SEMA4F: variants seen among roughly 807,000 people sequenced by gnomAD.
SEMA4F encodes ssemaphorin 4F.
SEMA4F carries 51 observed loss-of-function variants against 78.4 expected under a neutral mutation model. The ratio of observed to expected loss-of-function variants is 0.65; its 90% confidence interval spans 0.52 to 0.82. The LOEUF (loss-of-function observed/expected upper bound fraction) is 0.82. Ranked by LOEUF, SEMA4F falls within the 40% of genes least tolerant of loss-of-function variation. The pLI is 0.00. For synonymous variants in SEMA4F, 418 were observed against 408.7 expected, an observed-to-expected ratio of 1.02 and a Z score of -0.27; for missense variants, 938 against 1,014.4, an observed-to-expected ratio of 0.92 and a Z score of 1.02.
chr2:74,679,116 T>C (rs1685438150), intron 12 of SEMA4F, among the ~76,000 whole-genome samples, 160 bp from the exon 13 acceptor site: 1 of 152,148 alleles, frequency 6.6e-6, no homozygotes, highest in Admixed American at 6.5e-5. Context: ...TTAAGAGGTA[T>C]TGGGGAAAAA....
chr2:74,669,213 T>G (rs904547991), intron 5 of SEMA4F, among the ~76,000 whole-genome samples: 1 of 150,350 alleles, frequency 6.7e-6, no homozygotes, highest in Non-Finnish European at 1.5e-5. Flanking sequence ...GAGGCTGAGG[T>G]GGGAGAATTG....
At chr2:74,673,399 C>T (rs968851610) in intron 5 of SEMA4F, 58 bp from the exon 6 acceptor site, 20 of 1,605,094 alleles carry the variant, frequency 1.2e-5, no homozygotes, top group Non-Finnish European at 1.6e-5. Context: ...TGCCTGTGAC[C>T]TCTGTTGCTT....
At chr2:74,670,074 G>A (rs1003916094) in intron 5 of SEMA4F, among the ~76,000 whole-genome samples, 7 of 152,050 alleles carry the variant, frequency 4.6e-5, no homozygotes, top group South Asian at 4.1e-4. Flanking sequence ...GGAATTACTC[G>A]CTTTTGCACA....
rs1300400575 is a variant in SEMA4F at position 74,680,018 on chromosome 2, G to A, written c.2122G>A (p.Gly708Arg). ...CCTGGACCTGGGGGCTCCACCTTCT[G>A]GGACCACAAGCTACAGCCAAGACCC... is the stretch of plus-strand genomic sequence containing the variant. ...VGLDLGAPPS[G>R]TTSYSQDPPS... The change falls in exon 14 of 14, where the codon GGG becomes AGG. Residue 708 changes from glycine (G) to arginine (R), a missense_variant. Physicochemically the swap from Gly to Arg is moderately radical, Grantham distance 125 (BLOSUM62 -2). Coordinates refer to ENST00000357877, the MANE Select transcript of SEMA4F (RefSeq NM_004263.5). 3 of 1,614,218 alleles carry A rather than the reference G, an allele frequency of 1.9e-6. No homozygotes were observed. The highest frequency in any genetic ancestry group is 2.5e-6 in the Non-Finnish European group (3 of 1,180,032).
chr2:74,675,461 T>G, intron 10 of SEMA4F, 64 bp from the exon 11 acceptor site: 1 of 1,590,248 alleles, frequency 6.3e-7, no homozygotes. Context: ...GTAATACATA[T>G]AGGTCTGAGT....
chr2:74,696,389 G>T, the SEMA4F span, among the ~76,000 whole-genome samples: 4 of 151,564 alleles, frequency 2.6e-5, no homozygotes, highest in Non-Finnish European at 5.9e-5. Context: ...GTAGAGACGG[G>T]GTTTCATCAT....
chr2:74,674,841 A>G, intron 8 of SEMA4F, 47 bp from the exon 9 acceptor site: 4 of 1,595,768 alleles, frequency 2.5e-6, no homozygotes, highest in Non-Finnish European at 3.4e-6. Context: ...ATGAGTTGCT[A>G]TCCCCCAGAC....
At chr2:74,655,897 A>G (rs1312508409) in intron 1 of SEMA4F, among the ~76,000 whole-genome samples, 4 of 152,174 alleles carry the variant, frequency 2.6e-5, no homozygotes, top group Non-Finnish European at 5.9e-5. Flanking sequence ...GCAGAGCTGT[A>G]TTGGTGCAAG....
chr2:74,654,930 G>T (rs1175642738), intron 1 of SEMA4F, among the ~76,000 whole-genome samples: 1 of 152,156 alleles, frequency 6.6e-6, no homozygotes, highest in East Asian at 1.9e-4. Context: ...CATACACCTG[G>T]GTCCATCATT....
downstream of SEMA4F, among the ~76,000 whole-genome samples, chr2:74,687,964 T>C (rs1558743073): frequency 6.6e-6 from 1 of 152,078 alleles, no homozygotes; most frequent in African/African-American, 2.4e-5. Context: ...ATAGTTGCCC[T>C]TAATAATAAT....
In SEMA4F at chr2:74,680,463, A is replaced by T; in HGVS notation, c.*254A>T. On this transcript the variant is annotated 3_prime_UTR_variant, in exon 14 of 14. Coordinates refer to ENST00000357877, the MANE Select transcript of SEMA4F (RefSeq NM_004263.5). Reference sequence around the variant, plus strand: ...ATCAGGGCTTCCCCCTAACATCTGAACTCCTGTAAACCTTCATCCCTGGCC... The same window carrying T: ...ATCAGGGCTTCCCCCTAACATCTGATCTCCTGTAAACCTTCATCCCTGGCC... The T allele has an allele frequency of 2.5e-6, 1 of 406,740 alleles. No individual in the cohort carries two copies. The allele number at this position is 406,740 out of a possible 1,614,324, so 25.2% of individuals were successfully genotyped here. A position where few individuals can be genotyped will look rare whatever the true frequency, so the allele number is the denominator to read the frequency against.
the SEMA4F span, among the ~76,000 whole-genome samples, chr2:74,703,029 T>C: frequency 6.6e-6 from 1 of 152,240 alleles, no homozygotes; most frequent in Admixed American, 6.5e-5. Flanking sequence ...TATGTTAGGC[T>C]GTTAGGCACT....
intron 12 of SEMA4F, among the ~76,000 whole-genome samples, 188 bp downstream of exon 12, chr2:74,676,097 A>C (rs975001636): frequency 2.0e-5 from 3 of 152,094 alleles, no homozygotes; most frequent in Admixed American, 2.0e-4. Flanking sequence ...ATCTAGTGCT[A>C]CCTCATCAAT....
chr2:74,699,381 G>C, the SEMA4F span, among the ~76,000 whole-genome samples: 1 of 152,260 alleles, frequency 6.6e-6, no homozygotes, highest in East Asian at 1.9e-4. Context: ...CTGTGGATCA[G>C]ATACCTCCTA....
At chr2:74,692,338 C>G in the SEMA4F span, among the ~76,000 whole-genome samples, 1 of 152,190 alleles carries the variant, frequency 6.6e-6, no homozygotes, top group Non-Finnish European at 1.5e-5. Flanking sequence ...ATCCACCCAA[C>G]TAGCTGTCTG....
intron 4 of SEMA4F, among the ~76,000 whole-genome samples, chr2:74,660,620 A>G (rs1214936772): frequency 6.6e-6 from 1 of 152,266 alleles, no homozygotes; most frequent in Non-Finnish European, 1.5e-5. Flanking sequence ...ATTCAGATAG[A>G]TAATATAGTG....
chr2:74,663,510 T>G (rs1197718651), intron 5 of SEMA4F, among the ~76,000 whole-genome samples: 1 of 152,222 alleles, frequency 6.6e-6, no homozygotes, highest in Non-Finnish European at 1.5e-5. Flanking sequence ...AAAAGAAGTT[T>G]ATTTGGCTCA....
rs757720402 is a variant in SEMA4F at position 74,673,696 on chromosome 2, C to T, written c.690C>T (p.Ala230=). The change falls in exon 7 of 14, where the codon GCC becomes GCT. Residue 230 remains alanine, a synonymous_variant. Transcript: ENST00000357877. ...TCCCAGCCCCAGCCTTTGTCGCAGC[C>T]GTGGCCTTGAGCCCAGCCGAATGGG... ...SWLNAPAFVA[A]VALSPAEWGD... 9.3e-6 allele frequency: 15 copies of T among 1,613,872 alleles called. No individual in the cohort carries two copies. Among genetic ancestry groups the T allele is most frequent in the East Asian group, 6.7e-5 (3 of 44,898 alleles).
At chr2:74,657,475 G>C (rs1008654923) in intron 2 of SEMA4F, 90 bp from the exon 3 acceptor site, 3 of 1,254,698 alleles carry the variant, frequency 2.4e-6, no homozygotes, top group African/African-American at 3.0e-5. Context: ...CCAAATTGAT[G>C]GAGGTTATAG....
Sources: allele counts gnomAD v4.1 joint callset (sites outside exome capture counted in the v4.1 genomes callset), GRCh38; gene constraint gnomAD v4.1.1; transcripts MANE v1.5; gene names NCBI Gene and HGNC (gene_info 2026-07-23, HGNC 2026-07-21).